The following SLC26A8 variants were observed in gnomAD, a reference collection of about 807,000 sequenced individuals.
The protein encoded by SLC26A8 is testis anion transporter 1.
A neutral mutation model predicts 105.0 loss-of-function variants in SLC26A8; 70 were observed. The observed-to-expected ratio is 0.67, with a 90% confidence interval of 0.55 to 0.81. The LOEUF is 0.81. Ranked by LOEUF, SLC26A8 falls within the 40% of genes least tolerant of loss-of-function variation. The pLI is 0.00. For synonymous variants in SLC26A8, 415 were observed against 438.3 expected (o/e 0.95, Z 0.66); for missense variants, 998 against 1,181.8 (o/e 0.84, Z 2.28).
At chr6:35,961,305 G>A (rs1036975939) in intron 12 of SLC26A8, among the ~76,000 whole-genome samples, 11 of 152,106 alleles carry the variant, frequency 7.2e-5, no homozygotes, top group African/African-American at 1.7e-4. Flanking sequence ...ATCCCTGGTC[G>A]CCTCTGTCTT....
At chr6:35,988,657 A>G (rs1406616626) in intron 7 of SLC26A8, among the ~76,000 whole-genome samples, 3 of 151,672 alleles carry the variant, frequency 2.0e-5, no homozygotes, top group Admixed American at 6.6e-5. Context: ...AAAGAAAAGA[A>G]AAGAAACAAG....
At chr6:36,012,410 C>G in intron 2 of SLC26A8, 38 bp from the exon 3 acceptor site, 1 of 1,537,668 alleles carries the variant, frequency 6.5e-7, no homozygotes, top group East Asian at 2.4e-5. Context: ...TTAGTTTCTC[C>G]AAAGAAAATG....
At chr6:36,019,426 A>T in intron 2 of SLC26A8, 94 bp downstream of exon 2, 1 of 1,311,286 alleles carries the variant, frequency 7.6e-7, no homozygotes, top group Non-Finnish European at 1.0e-6. Context: ...GATTACAGGA[A>T]CTCAGACAAG....
At chr6:35,996,896 G>A (rs1194929849) in intron 5 of SLC26A8, among the ~76,000 whole-genome samples, 2 of 152,068 alleles carry the variant, frequency 1.3e-5, no homozygotes, top group African/African-American at 2.4e-5. Flanking sequence ...TGTGCTGGGT[G>A]TGGTGGCATG....
At chr6:35,992,944 T>G (rs1195029539) in intron 5 of SLC26A8, among the ~76,000 whole-genome samples, 1 of 152,150 alleles carries the variant, frequency 6.6e-6, no homozygotes, top group Non-Finnish European at 1.5e-5. Flanking sequence ...TAGAATCTAC[T>G]GCTCTCTAGG....
chr6:35,972,117 T>C, intron 10 of SLC26A8, among the ~76,000 whole-genome samples: 1 of 152,182 alleles, frequency 6.6e-6, no homozygotes, highest in East Asian at 1.9e-4. Context: ...TAAACACATA[T>C]ACACAGTTTG....
intron 19 of SLC26A8, 120 bp from the exon 20 acceptor site, chr6:35,944,460 C>T: frequency 4.7e-6 from 3 of 639,550 alleles, no homozygotes; most frequent in South Asian, 4.2e-5. Flanking sequence ...CGCTTTAGAC[C>T]AGGAGTTCAA....
chr6:35,968,630 T>TGTG (rs1772643349), intron 11 of SLC26A8, among the ~76,000 whole-genome samples: 1 of 93,144 alleles, frequency 1.1e-5, no homozygotes, highest in Non-Finnish European at 2.0e-5. Context: ...TATATATATA[T>TGTG]ATATATATAT....
At chr6:35,952,359 A>C (rs1294166563) in intron 17 of SLC26A8, among the ~76,000 whole-genome samples, 2 of 152,214 alleles carry the variant, frequency 1.3e-5, no homozygotes, top group African/African-American at 4.8e-5. Flanking sequence ...ATTTGATTTT[A>C]GTAAAACATC....
chr6:35,993,696 T>C (rs1055265710), intron 5 of SLC26A8, among the ~76,000 whole-genome samples: 3 of 152,064 alleles, frequency 2.0e-5, no homozygotes, highest in Non-Finnish European at 2.9e-5. Flanking sequence ...ATTTATACAC[T>C]TTTTTACTAT....
At chr6:35,976,133 A>C (rs557091710) in intron 9 of SLC26A8, among the ~76,000 whole-genome samples, 1 of 151,864 alleles carries the variant, frequency 6.6e-6, no homozygotes, top group South Asian at 2.1e-4. Context: ...GCTACCCTAA[A>C]GGTCAAATTG....
At chr6:36,014,541 C>T (rs1197018765) in intron 2 of SLC26A8, among the ~76,000 whole-genome samples, 2 of 151,962 alleles carry the variant, frequency 1.3e-5, no homozygotes, top group East Asian at 3.9e-4. Flanking sequence ...AGGTTTTCTG[C>T]AGAAAGGAAG....
chr6:35,992,764 A>G lies in SLC26A8; in HGVS notation c.628-90T>C, dbSNP rs1324125244. 5.8e-6 allele frequency: 8 copies of G among 1,380,314 alleles called. No individual in the cohort carries two copies. The Middle Eastern group carries it at 5.9e-4, about 101-fold the overall frequency. The allele number at this position is 1,380,314 out of a possible 1,614,324, so 85.5% of individuals were successfully genotyped here. ...CTCTCCAGGAAAAGAAGGGTTTCCAATAGAAAAGTTAAGATAGGCCCCTTT... is the reference window on the plus strand; with the variant it reads ...CTCTCCAGGAAAAGAAGGGTTTCCAGTAGAAAAGTTAAGATAGGCCCCTTT... On this transcript the variant is annotated intron_variant, in intron 5 of 19. Transcript: ENST00000490799.
chr6:36,021,095 G>A (rs969055596), intron 1 of SLC26A8, among the ~76,000 whole-genome samples: 2 of 152,060 alleles, frequency 1.3e-5, no homozygotes, highest in African/African-American at 4.8e-5. Flanking sequence ...GTAAGTAATT[G>A]GGCCATAATT....
intron 17 of SLC26A8, among the ~76,000 whole-genome samples, chr6:35,952,980 C>T (rs1405085214): frequency 2.8e-5 from 4 of 141,118 alleles, no homozygotes; most frequent in Non-Finnish European, 6.0e-5. Context: ...TGCCACTGCA[C>T]TCCAGCCTGG....
intron 7 of SLC26A8, 83 bp from the exon 8 acceptor site, chr6:35,982,286 T>A (rs1773304469): frequency 7.4e-7 from 1 of 1,356,700 alleles, no homozygotes; most frequent in Admixed American, 1.7e-5. Context: ...AGTTGCCCAT[T>A]GCCTCTGGCA....
At chr6:36,000,692 C>G (rs1225595324) in intron 3 of SLC26A8, among the ~76,000 whole-genome samples, 1 of 152,214 alleles carries the variant, frequency 6.6e-6, no homozygotes, top group Admixed American at 6.5e-5. Context: ...TTTGATGTTT[C>G]AAGCCCCTAT....
chr6:35,943,863 G>A lies in SLC26A8; in HGVS notation c.*37C>T. 6.3e-7 allele frequency: 1 copy of A among 1,594,802 alleles called. No individual in the cohort carries two copies. The highest frequency in any genetic ancestry group is 8.6e-7 in the Non-Finnish European group (1 of 1,168,036). On this transcript the variant is annotated 3_prime_UTR_variant, in exon 20 of 20. Transcript: ENST00000490799. Reference sequence around the variant, plus strand: ...GACCCCTTTTTGGGTAGGAGGATTTGCCAGCATTATCTGACCCCTTATTTC... The same window carrying A: ...GACCCCTTTTTGGGTAGGAGGATTTACCAGCATTATCTGACCCCTTATTTC...
intron 6 of SLC26A8, 95 bp downstream of exon 6, chr6:35,992,415 C>T (rs1761197590): frequency 7.6e-7 from 1 of 1,319,864 alleles, no homozygotes; most frequent in African/African-American, 1.5e-5. Context: ...TGTCTCCTTT[C>T]AGAAGGGGCG....
Sources: allele counts gnomAD v4.1 joint callset (sites outside exome capture counted in the v4.1 genomes callset), GRCh38; gene constraint gnomAD v4.1.1; transcripts MANE v1.5; gene names NCBI Gene and HGNC (gene_info 2026-07-23, HGNC 2026-07-21).